Variants in ARHGAP6 observed in about 807,000 individuals in gnomAD.
ARHGAP6 encodes the protein Rho GTPase activating protein 6, also known as rho GTPase-activating protein 6.
A neutral mutation model predicts 55.7 loss-of-function variants in ARHGAP6; 16 were observed. That is an observed-to-expected ratio of 0.29 (90% CI 0.19 to 0.44). The LOEUF (loss-of-function observed/expected upper bound fraction) is 0.44, where lower values mean the gene tolerates loss of function less well. ARHGAP6 is among the 20% of genes least tolerant of loss of function. The pLI is 1.00. For missense variants in ARHGAP6, 698 were observed against 808.9 expected (o/e 0.86, Z 1.66); for synonymous variants, 382 against 360.9 (o/e 1.06, Z -0.66).
intron 1 of ARHGAP6, among the ~76,000 whole-genome samples, chrX:11,308,149 A>G (rs1169839923): frequency 8.9e-6 from 1 of 112,425 alleles, no homozygotes; most frequent in Non-Finnish European, 1.9e-5. Flanking sequence ...AGAAAAGCCA[A>G]TGATTTCACT....
At chrX:11,368,026 G>A (rs776463985) in intron 1 of ARHGAP6, among the ~76,000 whole-genome samples, 6 of 112,403 alleles carry the variant, frequency 5.3e-5, no homozygotes, top group African/African-American at 1.3e-4. Flanking sequence ...CTGAAATGCC[G>A]TCTGACTCAT....
At chrX:11,231,584 C>G (rs1434631688) in intron 2 of ARHGAP6, among the ~76,000 whole-genome samples, 2 of 112,209 alleles carry the variant, frequency 1.8e-5, no homozygotes, top group African/African-American at 6.5e-5. Context: ...TCTTGGAGTC[C>G]TAGGCTTATA....
In ARHGAP6 at chrX:11,254,649, A is replaced by G; in HGVS notation, c.647T>C (p.Ile216Thr). 8.4e-7 allele frequency: 1 copy of G among 1,190,082 alleles called. No homozygotes were observed. Among genetic ancestry groups the G allele is most frequent in the Non-Finnish European group, 1.1e-6 (1 of 884,825 alleles). Residue 216 changes from isoleucine to threonine, a missense_variant, in exon 2 of 13, where the codon ATC (isoleucine) becomes ACC (threonine). Coordinates refer to ENST00000337414, the MANE Select transcript of ARHGAP6 (RefSeq NM_013427.3). ...GRSVRLRSVPIQSLSELERAR... is the reference protein window; with the variant it reads ...GRSVRLRSVPTQSLSELERAR... ...CCTCTCCAGCTCTGAGAGACTCTGG[A>G]TGGGGACTGACCTCAGCCGTACACT... is the stretch of plus-strand genomic sequence containing the variant.
At chrX:11,264,105 C>A (rs1326261534) in intron 1 of ARHGAP6, among the ~76,000 whole-genome samples, 1 of 110,579 alleles carries the variant, frequency 9.0e-6, no homozygotes. Context: ...AAAAAGTTTG[C>A]TGACCCCTGG....
chrX:11,422,652 A>G (rs1180695211), intron 1 of ARHGAP6, among the ~76,000 whole-genome samples: 1 of 112,443 alleles, frequency 8.9e-6, no homozygotes, highest in East Asian at 2.8e-4. Flanking sequence ...ACTTTGTATG[A>G]CTGGACAATA....
At chrX:11,389,322 G>A (rs1002899087) in intron 1 of ARHGAP6, among the ~76,000 whole-genome samples, 18 of 111,743 alleles carry the variant, frequency 1.6e-4, no homozygotes, top group African/African-American at 4.9e-4. Context: ...CCTTTCAACC[G>A]AAACACAAAT....
In ARHGAP6 at chrX:11,592,470, T is replaced by TG. The variant is rs762418035; in HGVS notation, c.588+71770dup. ...GTACAAGGAGGCATGAGAATACAGA[T>TG]GAAGCTCTGGCAGCATCTTCAACAA... On this transcript the variant is annotated intron_variant, in intron 1 of 12. Coordinates refer to ENST00000337414, the MANE Select transcript of ARHGAP6 (RefSeq NM_013427.3). Among the ~76,000 whole-genome samples, 473 of 111,832 alleles carry TG rather than the reference T, an allele frequency of 4.2e-3. 1 individual carries two copies. The highest frequency in any genetic ancestry group is 0.014 in the African/African-American group (424 of 30,793).
intron 1 of ARHGAP6, among the ~76,000 whole-genome samples, chrX:11,411,254 CATTT>C (rs199540355): frequency 0.058 from 4,224 of 72,609 alleles, 201 homozygotes; most frequent in African/African-American, 0.18. Context: ...AATATATAAA[CATTT>C]ATTTATATGT....
intron 1 of ARHGAP6, among the ~76,000 whole-genome samples, chrX:11,422,503 T>C (rs899806038): frequency 8.9e-6 from 1 of 111,737 alleles, no homozygotes. Flanking sequence ...CCAAAGAGCT[T>C]AAGCACTGAA....
At chrX:11,342,473 A>G (rs746221132) in intron 1 of ARHGAP6, among the ~76,000 whole-genome samples, 1 of 112,492 alleles carries the variant, frequency 8.9e-6, no homozygotes, top group South Asian at 3.7e-4. Context: ...ACTGAAATAT[A>G]TAATTTGAAA....
intron 1 of ARHGAP6, among the ~76,000 whole-genome samples, chrX:11,341,054 T>TTGGTGG (rs2048699252): frequency 1.9e-5 from 1 of 52,687 alleles, no homozygotes; most frequent in African/African-American, 8.1e-5. Flanking sequence ...AGGAAGAGAT[T>TTGGTGG]TGGTGGTGGG....
intron 2 of ARHGAP6, among the ~76,000 whole-genome samples, chrX:11,214,425 C>T (rs2046848684): frequency 8.9e-6 from 1 of 112,667 alleles, no homozygotes; most frequent in Non-Finnish European, 1.9e-5. Flanking sequence ...TGGGAGGGAG[C>T]CTGGGCTCCA....
chrX:11,521,942 T>C (rs920057526), intron 1 of ARHGAP6, among the ~76,000 whole-genome samples: 3 of 111,799 alleles, frequency 2.7e-5, no homozygotes, highest in East Asian at 2.8e-4. Flanking sequence ...AGTTCACTCA[T>C]GATTTGGCTC....
At chrX:11,260,467 A>G (rs760869925) in intron 1 of ARHGAP6, among the ~76,000 whole-genome samples, 3 of 111,706 alleles carry the variant, frequency 2.7e-5, no homozygotes, top group East Asian at 2.8e-4. Context: ...ACCATCACCA[A>G]TGATTTGTGC....
At chrX:11,591,907 G>A (rs936128241) in intron 1 of ARHGAP6, among the ~76,000 whole-genome samples, 7 of 111,949 alleles carry the variant, frequency 6.3e-5, no homozygotes, top group Non-Finnish European at 1.3e-4. Flanking sequence ...GAAATAGTAT[G>A]ATTCATTTCC....
intron 1 of ARHGAP6, among the ~76,000 whole-genome samples, chrX:11,285,213 C>T (rs1435764798): frequency 1.9e-5 from 2 of 106,724 alleles, no homozygotes; most frequent in African/African-American, 3.4e-5. Flanking sequence ...ATTTTACAGC[C>T]GATCTGTGAG....
At chrX:11,453,734 T>A (rs968582775) in intron 1 of ARHGAP6, among the ~76,000 whole-genome samples, 1 of 111,792 alleles carries the variant, frequency 8.9e-6, no homozygotes, top group Non-Finnish European at 1.9e-5. Context: ...AGCCTATCAA[T>A]CCACTTGCTT....
Position 11,578,862 on chromosome X carries a change from G to A in ARHGAP6, c.588+85379C>T, listed in dbSNP as rs983918667. ...ATACTAGGCAGCTATAAAAAAGGAC[G>A]AGTTCATGTCCTTTGTAGGGACATG... On this transcript the variant is annotated intron_variant, in intron 1 of 12. Transcript: ENST00000337414. Among the ~76,000 whole-genome samples the A allele has an allele frequency of 3.6e-5, 4 of 111,235 alleles. 1 individual carries two copies. The highest frequency in any genetic ancestry group is 3.3e-5 in the African/African-American group (1 of 30,610).
chrX:11,370,615 T>G (rs1420091401), intron 1 of ARHGAP6, among the ~76,000 whole-genome samples: 1 of 112,057 alleles, frequency 8.9e-6, no homozygotes, highest in Non-Finnish European at 1.9e-5. Context: ...GAGTTTGAAG[T>G]GACAATGTGC....
Sources: allele counts gnomAD v4.1 joint callset (sites outside exome capture counted in the v4.1 genomes callset), GRCh38; gene constraint gnomAD v4.1.1; transcripts MANE v1.5; gene names NCBI Gene and HGNC (gene_info 2026-07-23, HGNC 2026-07-21).